The following SP5 variants were observed in gnomAD, a reference collection of about 807,000 sequenced individuals.
SP5 encodes transcription factor Sp5.
In SP5, 12 loss-of-function variants were observed where a neutral mutation model predicts 27.4. The observed-to-expected ratio is 0.44, with a 90% CI of 0.28 to 0.71. The LOEUF (loss-of-function observed/expected upper bound fraction) is 0.71. SP5 is among the 30% of genes least tolerant of loss of function. The probability of loss-of-function intolerance (pLI) is 0.15; values close to 1 mark genes in which losing one functional copy is unlikely to be tolerated. For synonymous variants in SP5, 330 were observed against 290.7 expected (o/e 1.14, Z -1.38); for missense variants, 660 against 589.8 (o/e 1.12, Z -1.23).
intron 1 of SP5, 88 bp from the exon 2 acceptor site, chr2:170,716,171 G>A (rs1700061502): frequency 2.0e-6 from 3 of 1,473,780 alleles, no homozygotes; most frequent in Admixed American, 2.6e-5. Flanking sequence ...CGGTATAATA[G>A]CGGGCGTGGG....
At chr2:170,716,209 T>G in intron 1 of SP5, 50 bp from the exon 2 acceptor site, 1 of 1,548,562 alleles carries the variant, frequency 6.5e-7, no homozygotes, top group South Asian at 1.2e-5. Flanking sequence ...GAGTCCGCGC[T>G]TGGAGCTAAC....
rs1306492991 is a variant in SP5, at chr2:170,716,560, AC to A, written c.357del (p.Ser120ArgfsTer194). 1 of 1,609,172 alleles carries A rather than the reference AC, an allele frequency of 6.2e-7. No individual in the cohort carries two copies. The highest frequency in any genetic ancestry group is 8.5e-7 in the Non-Finnish European group (1 of 1,178,458). ...AHELPLTPPA[D>X]PSYPYEFSPV... ...GAGCTTCCCCTTACACCCCCCGCCG[AC>A]CCCTCGTACCCCTACGAGTTCTCGC... is the stretch of plus-strand genomic sequence containing the variant. On this transcript the variant is annotated frameshift_variant, in exon 2 of 2. Coordinates refer to ENST00000375281, the MANE Select transcript of SP5 (RefSeq NM_001003845.3). LOFTEE classifies it high-confidence loss of function.
At position 170,717,087 on chromosome 2, in the gene SP5, A is replaced by C. The variant is rs200305999; in HGVS notation, c.880A>C (p.Lys294Gln). The change falls in exon 2 of 2, where the codon AAG becomes CAG. Residue 294 changes from lysine (K) to glutamine (Q), a missense_variant. Lys to Gln is a moderately conservative substitution (Grantham distance 53). Transcript: ENST00000375281. Reference protein sequence around the residue: ...GAPEAEPGKKKQHVCHVPGCG... With the variant: ...GAPEAEPGKKQQHVCHVPGCG... ...CCCCGAGGCGGAGCCGGGGAAGAAGAAGCAGCACGTGTGCCACGTGCCGGG... is the reference window on the plus strand; with the variant it reads ...CCCCGAGGCGGAGCCGGGGAAGAAGCAGCAGCACGTGTGCCACGTGCCGGG... 595 of 1,570,568 alleles carry C rather than the reference A, an allele frequency of 3.8e-4. 1 individual carries two copies. Among genetic ancestry groups the C allele is most frequent in the South Asian group, 5.7e-4 (49 of 86,540 alleles).
chr2:170,717,711 G>A lies in SP5; in HGVS notation c.*307G>A, dbSNP rs1185812947. The stretch of plus-strand genomic sequence containing the variant: ...AGTTTCGGGGGACCACCCTGGTCTG[G>A]CCTTGTATATAGGAAATGCTGCTGA... On this transcript the variant is annotated 3_prime_UTR_variant, in exon 2 of 2. Transcript: ENST00000375281. 2 of 476,130 alleles carry A rather than the reference G, an allele frequency of 4.2e-6. No homozygotes were observed. Among genetic ancestry groups the A allele is most frequent in the African/African-American group, 2.0e-5 (1 of 51,244 alleles). The allele number at this position is 476,130 out of a possible 1,614,324, so 29.5% of individuals were successfully genotyped here. A position where few individuals can be genotyped will look rare whatever the true frequency, so the allele number is the denominator to read the frequency against.
In SP5 at chr2:170,717,030, C is replaced by G; in HGVS notation, c.823C>G (p.Arg275Gly). The change falls in exon 2 of 2, where the codon CGC becomes GGC. Residue 275 changes from arginine (R) to glycine (G), a missense_variant. Physicochemically the swap from Arg to Gly is moderately radical, Grantham distance 125. Coordinates refer to ENST00000375281, the MANE Select transcript of SP5 (RefSeq NM_001003845.3). ...AATARRCRRCRCPNCQAAGGA... is the reference protein window; with the variant it reads ...AATARRCRRCGCPNCQAAGGA... ...CACGGCCAGGAGGTGCCGCCGCTGC[C>G]GCTGTCCCAACTGCCAGGCGGCGGG... 2 of 1,547,670 alleles carry G rather than the reference C, an allele frequency of 1.3e-6. No individual in the cohort carries two copies. Among genetic ancestry groups the G allele is most frequent in the Non-Finnish European group, 1.7e-6 (2 of 1,146,370 alleles).
At chr2:170,716,008 TG>T in intron 1 of SP5, 2 of 1,372,082 alleles carry the variant, frequency 1.5e-6, no homozygotes, top group Non-Finnish European at 1.9e-6. Flanking sequence ...CCTCTAAGGC[TG>T]GATGGCGTCT....
In SP5 at chr2:170,716,523, G is replaced by C. The variant is rs1383983503; in HGVS notation, c.316G>C (p.Gly106Arg). The change falls in exon 2 of 2, where the codon GGG becomes CGG. Residue 106 changes from glycine (G) to arginine (R), a missense_variant. Gly to Arg is a moderately radical substitution (Grantham distance 125). Transcript: ENST00000375281. ...GAAGACGCACCTGCAGCCGTCCTTC[G>C]GGGCTGCGCACGAGCTTCCCCTTAC... ...PQKTHLQPSFGAAHELPLTPP... is the reference protein window; with the variant it reads ...PQKTHLQPSFRAAHELPLTPP... 6.2e-7 allele frequency: 1 copy of C among 1,611,026 alleles called. No homozygotes were observed. Among genetic ancestry groups the C allele is most frequent in the Non-Finnish European group, 8.5e-7 (1 of 1,179,402 alleles).
rs1263369825 is a variant in SP5 at position 170,715,443 on chromosome 2, C to T, written c.-70C>T. The T allele has an allele frequency of 1.3e-6, 2 of 1,530,666 alleles. No individual in the cohort carries two copies. Among genetic ancestry groups the T allele is most frequent in the Non-Finnish European group, 1.8e-6 (2 of 1,138,630 alleles). 94.8% of individuals were successfully genotyped at this position (1,530,666 alleles called of 1,614,324 possible). On this transcript the variant is annotated 5_prime_UTR_variant, in exon 1 of 2. Coordinates refer to ENST00000375281, the MANE Select transcript of SP5 (RefSeq NM_001003845.3). ...GAGGCAGGCTGGGCGGCCCTTCGTCCTCGCCTTCGGGTGTCCATGCCTCGG... is the reference window on the plus strand; with the variant it reads ...GAGGCAGGCTGGGCGGCCCTTCGTCTTCGCCTTCGGGTGTCCATGCCTCGG...
Position 170,716,859 on chromosome 2 carries a change from C to CA in SP5, c.653dup (p.His218GlnfsTer164). The CA allele has an allele frequency of 6.9e-7, 1 of 1,457,242 alleles. No homozygotes were observed. The highest frequency in any genetic ancestry group is 1.5e-5 in the African/African-American group (1 of 66,752). 90.3% of individuals were successfully genotyped at this position (1,457,242 alleles called of 1,614,324 possible). ...CTCCGGCGCCTGTGCCGGGGCCCCC[C>CA]ACGCGCCCCGCTTCCCCGCCTCTGC... is the stretch of plus-strand genomic sequence containing the variant. On this transcript the variant is annotated frameshift_variant, in exon 2 of 2. Coordinates refer to ENST00000375281, the MANE Select transcript of SP5 (RefSeq NM_001003845.3). LOFTEE classifies it high-confidence loss of function.
Position 170,716,854 on chromosome 2 carries a change from C to G in SP5, c.647C>G (p.Ala216Gly). The change falls in exon 2 of 2, where the codon GCC (alanine) becomes GGC (glycine). Residue 216 changes from alanine (A) to glycine (G), a missense_variant. Transcript: ENST00000375281. Reference protein sequence around the residue: ...GSGLSGACAGAPHAPRFPASA... With the variant: ...GSGLSGACAGGPHAPRFPASA... ...GGCCTCTCCGGCGCCTGTGCCGGGGCCCCCCACGCGCCCCGCTTCCCCGCC... is the reference window on the plus strand; with the variant it reads ...GGCCTCTCCGGCGCCTGTGCCGGGGGCCCCCACGCGCCCCGCTTCCCCGCC... The G allele has an allele frequency of 1.4e-6, 2 of 1,446,104 alleles. No individual in the cohort carries two copies. Among genetic ancestry groups the G allele is most frequent in the South Asian group, 1.4e-5 (1 of 69,428 alleles). 89.6% of individuals were successfully genotyped at this position (1,446,104 alleles called of 1,614,324 possible). A position where few individuals can be genotyped will look rare whatever the true frequency, so the allele number is the denominator to read the frequency against.
rs1700098514 is a variant in SP5 at position 170,717,588 on chromosome 2, A to T, written c.*184A>T. On this transcript the variant is annotated 3_prime_UTR_variant, in exon 2 of 2. Coordinates refer to ENST00000375281, the MANE Select transcript of SP5 (RefSeq NM_001003845.3). The stretch of plus-strand genomic sequence containing the variant: ...ACCCAGTTCCCAGGAGCGGGGAGGT[A>T]GGGTTGGGGCTGGGGCATTTGGATT... 5 of 808,302 alleles carry T rather than the reference A, an allele frequency of 6.2e-6. No individual in the cohort carries two copies. The highest frequency in any genetic ancestry group is 9.5e-6 in the Non-Finnish European group (5 of 525,688). The allele number at this position is 808,302 out of a possible 1,614,324, so 50.1% of individuals were successfully genotyped here.
chr2:170,715,999 C>T (rs1700056389), intron 1 of SP5: 3 of 1,370,778 alleles, frequency 2.2e-6, no homozygotes, highest in African/African-American at 1.5e-5. Context: ...CGCCTGCTTC[C>T]TCTAAGGCTG....
At position 170,717,351 on chromosome 2, in the gene SP5, A is replaced by C. The variant is rs73015354; in HGVS notation, c.1144A>C (p.Lys382Gln). ...AKHVKTHQNKKLKVAEAGVKR... is the reference protein window; with the variant it reads ...AKHVKTHQNKQLKVAEAGVKR... ...GCACGTCAAGACTCACCAGAATAAGAAGCTCAAAGTCGCTGAGGCCGGGGT... is the reference window on the plus strand; with the variant it reads ...GCACGTCAAGACTCACCAGAATAAGCAGCTCAAAGTCGCTGAGGCCGGGGT... Residue 382 changes from lysine to glutamine, a missense_variant, in exon 2 of 2, where the codon AAG becomes CAG. Lys to Gln is a moderately conservative substitution (Grantham distance 53). Coordinates refer to ENST00000375281, the MANE Select transcript of SP5 (RefSeq NM_001003845.3). 98 of 1,611,188 alleles carry C rather than the reference A, an allele frequency of 6.1e-5. No homozygotes were observed. Among genetic ancestry groups the C allele is most frequent in the South Asian group, 2.9e-4 (26 of 91,078 alleles).
At position 170,716,319 on chromosome 2, in the gene SP5, GC is replaced by G; in HGVS notation, c.114del (p.Thr39ProfsTer56). Reference sequence around the variant, plus strand: ...GCACTCGCCCCTGGCATTGCTGGCCGCCACCTGTAGCCGCATCGGCCAGCCG... The same window carrying G: ...GCACTCGCCCCTGGCATTGCTGGCCGCACCTGTAGCCGCATCGGCCAGCCG... ...GKHSPLALLAATCSRIGQPGA... is the reference protein window; with the variant it reads ...GKHSPLALLAXTCSRIGQPGA... On this transcript the variant is annotated frameshift_variant, in exon 2 of 2. Coordinates refer to ENST00000375281, the MANE Select transcript of SP5 (RefSeq NM_001003845.3). LOFTEE classifies it high-confidence loss of function. The G allele has an allele frequency of 6.3e-7, 1 of 1,595,444 alleles. No homozygotes were observed. Among genetic ancestry groups the G allele is most frequent in the African/African-American group, 1.3e-5 (1 of 74,810 alleles).
In SP5 at chr2:170,717,263, C is replaced by A. The variant is rs1212461930; in HGVS notation, c.1056C>A (p.Gly352=). The change falls in exon 2 of 2, where the codon GGC becomes GGA. Residue 352 remains glycine, a synonymous_variant. Transcript: ENST00000375281. ...AGCGGCACCTGCGGACTCACACGGG[C>A]GAGAAGCGCTTTGCCTGTCCCGAGT... is the stretch of plus-strand genomic sequence containing the variant. ...ELQRHLRTHT[G]EKRFACPECG... The A allele has an allele frequency of 1.2e-5, 19 of 1,609,722 alleles. No individual in the cohort carries two copies. The highest frequency in any genetic ancestry group is 1.4e-5 in the Non-Finnish European group (17 of 1,179,490).
Position 170,716,470 on chromosome 2 carries a change from C to G in SP5, c.263C>G (p.Pro88Arg). ...CACTCGCCAGGCGCACTGCCGCCCC[C>G]GCATCCCAGCTTGGGGCTGACGCCG... ...PAHSPGALPP[P>R]HPSLGLTPQK... is the part of the protein sequence containing the mutation. Residue 88 changes from proline to arginine, a missense_variant, in exon 2 of 2, where the codon CCG becomes CGG. Coordinates refer to ENST00000375281, the MANE Select transcript of SP5 (RefSeq NM_001003845.3). 1 of 1,608,094 alleles carries G rather than the reference C, an allele frequency of 6.2e-7. No individual in the cohort carries two copies. Among genetic ancestry groups the G allele is most frequent in the Non-Finnish European group, 8.5e-7 (1 of 1,179,156 alleles).
In SP5 at chr2:170,715,393, C is replaced by G; in HGVS notation, c.-120C>G. 7.4e-7 allele frequency: 1 copy of G among 1,352,096 alleles called. No homozygotes were observed. The highest frequency in any genetic ancestry group is 9.7e-7 in the Non-Finnish European group (1 of 1,034,218). The allele number at this position is 1,352,096 out of a possible 1,614,324, so 83.8% of individuals were successfully genotyped here. A position where few individuals can be genotyped will look rare whatever the true frequency, so the allele number is the denominator to read the frequency against. On this transcript the variant is annotated 5_prime_UTR_variant, in exon 1 of 2. Coordinates refer to ENST00000375281, the MANE Select transcript of SP5 (RefSeq NM_001003845.3). The stretch of plus-strand genomic sequence containing the variant: ...GGCGAGGGGCAAGGGCGGGGAGGGC[C>G]CCGGCGCTCAGAGCAGGCGCCAGGG...
rs896965682 is a variant in SP5 at position 170,717,535 on chromosome 2, C to G, written c.*131C>G. 2 of 1,247,640 alleles carry G rather than the reference C, an allele frequency of 1.6e-6. No individual in the cohort carries two copies. The highest frequency in any genetic ancestry group is 2.2e-6 in the Non-Finnish European group (2 of 910,520). The allele number at this position is 1,247,640 out of a possible 1,614,324, so 77.3% of individuals were successfully genotyped here. On this transcript the variant is annotated 3_prime_UTR_variant, in exon 2 of 2. Transcript: ENST00000375281. ...TGCCTCCCAAAATGGAGCCAGGCTT[C>G]CAACTTCCGCTGCCTTCGGACATAG... is the stretch of plus-strand genomic sequence containing the variant.
Position 170,717,683 on chromosome 2 carries a change from T to G in SP5, c.*279T>G. On this transcript the variant is annotated 3_prime_UTR_variant, in exon 2 of 2. Coordinates refer to ENST00000375281, the MANE Select transcript of SP5 (RefSeq NM_001003845.3). Reference sequence around the variant, plus strand: ...AACCGTTCCCACCGTCAGGGAGACCTACAGTTTCGGGGGACCACCCTGGTC... The same window carrying G: ...AACCGTTCCCACCGTCAGGGAGACCGACAGTTTCGGGGGACCACCCTGGTC... The G allele has an allele frequency of 1.9e-6, 1 of 534,260 alleles. No homozygotes were observed. The highest frequency in any genetic ancestry group is 3.3e-6 in the Non-Finnish European group (1 of 299,194). The allele number at this position is 534,260 out of a possible 1,614,324, so 33.1% of individuals were successfully genotyped here.
Sources: allele counts gnomAD v4.1 joint callset, GRCh38; gene constraint gnomAD v4.1.1; transcripts MANE v1.5; gene names NCBI Gene and HGNC (gene_info 2026-07-23, HGNC 2026-07-21).